Variants in RC3H2 observed in about 807,000 individuals in gnomAD.
RC3H2 encodes the protein roquin-2.
A neutral mutation model predicts 133.3 loss-of-function variants in RC3H2; 31 were observed. That is an observed-to-expected ratio of 0.23 (90% CI 0.17 to 0.31). The LOEUF (loss-of-function observed/expected upper bound fraction) is 0.31. Among genes scored for constraint, RC3H2 ranks in the 10% least tolerant of loss-of-function variants. The pLI, the probability that RC3H2 is intolerant of heterozygous loss-of-function variation, is 1.00. For missense variants in RC3H2, 1,175 were observed against 1,437.2 expected, an observed-to-expected ratio of 0.82 and a Z score of 2.95; for synonymous variants, 517 against 502.2, an observed-to-expected ratio of 1.03 and a Z score of -0.40.
intron 1 of RC3H2, among the ~76,000 whole-genome samples, chr9:122,898,565 C>A (rs1339057840): frequency 6.6e-6 from 1 of 152,012 alleles, no homozygotes; most frequent in Non-Finnish European, 1.5e-5. Flanking sequence ...GCCTGACCAA[C>A]ATGGATAAAC....
At chr9:122,895,973 T>C (rs567863802) in intron 2 of RC3H2, among the ~76,000 whole-genome samples, 4 of 152,110 alleles carry the variant, frequency 2.6e-5, no homozygotes, top group Non-Finnish European at 5.9e-5. Flanking sequence ...ATGAATTCTA[T>C]AGCACATGTT....
chr9:122,880,350 T>C, intron 6 of RC3H2: 1 of 758,034 alleles, frequency 1.3e-6, no homozygotes. Flanking sequence ...GAGGTCAGAA[T>C]ATAGATAAAT....
intron 13 of RC3H2, among the ~76,000 whole-genome samples, chr9:122,856,210 A>G (rs1415887067): frequency 6.6e-6 from 1 of 152,140 alleles, no homozygotes; most frequent in Non-Finnish European, 1.5e-5. Context: ...AAATACATAG[A>G]TACACACAGA....
In RC3H2 at chr9:122,879,762, G is replaced by T; in HGVS notation, c.1205C>A (p.Thr402Asn). 1 of 1,599,296 alleles carries T rather than the reference G, an allele frequency of 6.3e-7. No individual in the cohort carries two copies. Among genetic ancestry groups the T allele is most frequent in the Non-Finnish European group, 8.6e-7 (1 of 1,168,482 alleles). Reference sequence around the variant, plus strand: ...TGTAATAAATGTACTTACCTGAGGGGTCTCATGGCCTTTTCTACTATAATT... The same window carrying T: ...TGTAATAAATGTACTTACCTGAGGGTTCTCATGGCCTTTTCTACTATAATT... Reference protein sequence around the residue: ...IQNYSRKGHETPQPQPNSKYK... With the variant: ...IQNYSRKGHENPQPQPNSKYK... The change falls in exon 8 of 21, where the codon ACC becomes AAC. Residue 402 changes from threonine (T) to asparagine (N), a missense_variant. This residue lies in a region of RC3H2 where 131 missense variants were observed against 154.2 expected (regional missense o/e 0.85). Coordinates refer to ENST00000357244, the MANE Select transcript of RC3H2 (RefSeq NM_001100588.3).
At chr9:122,867,712 C>T (rs1402651208) in intron 9 of RC3H2, among the ~76,000 whole-genome samples, 1 of 108,482 alleles carries the variant, frequency 9.2e-6, no homozygotes, top group Admixed American at 8.4e-5. Context: ...TCTGCCTGGC[C>T]GCGACCCCGT....
Position 122,847,856 on chromosome 9 carries a change from T to C in RC3H2, c.*1771A>G, listed in dbSNP as rs187326801. The C allele has an allele frequency of 6.6e-5, 10 of 152,290 alleles. No homozygotes were observed. Among genetic ancestry groups the C allele is most frequent in the Admixed American group, 6.5e-4 (10 of 15,292 alleles). 9.4% of individuals were successfully genotyped at this position (152,290 alleles called of 1,614,324 possible). On this transcript the variant is annotated 3_prime_UTR_variant, in exon 21 of 21. Transcript: ENST00000357244. ...TTCATACATTTGAGTATTAAATAAA[T>C]GTGTAAGATCTTCCATACTGACACC... is the stretch of plus-strand genomic sequence containing the variant.
Position 122,862,808 on chromosome 9 carries a change from T to C in RC3H2, c.1634+2541A>G, listed in dbSNP as rs199700970. Among the ~76,000 whole-genome samples, 7 of 151,442 alleles carry C rather than the reference T, an allele frequency of 4.6e-5. No homozygotes were observed. The East Asian group carries it at 9.7e-4, about 21-fold the overall frequency. The stretch of plus-strand genomic sequence containing the variant: ...TACTTAGGAGGCTGAGGCAGGAGAA[T>C]TGCTTGAACCTGGCAGGTGGAGGTT... On this transcript the variant is annotated intron_variant, in intron 10 of 20. Transcript: ENST00000357244.
In RC3H2 at chr9:122,847,656, G is replaced by A. The variant is rs1829898606; in HGVS notation, c.*1971C>T. The A allele has an allele frequency of 7.3e-6, 1 of 137,140 alleles. No homozygotes were observed. Among genetic ancestry groups the A allele is most frequent in the Non-Finnish European group, 1.6e-5 (1 of 62,566 alleles). 8.5% of individuals were successfully genotyped at this position (137,140 alleles called of 1,614,324 possible). A position where few individuals can be genotyped will look rare whatever the true frequency, so the allele number is the denominator to read the frequency against. On this transcript the variant is annotated 3_prime_UTR_variant, in exon 21 of 21. Transcript: ENST00000357244. ...TAGGCTAATTTATAATGTCAGAAAA[G>A]TTAATGTAACATGGTTTAAAACCCT... is the stretch of plus-strand genomic sequence containing the variant.
intron 18 of RC3H2, among the ~76,000 whole-genome samples, chr9:122,851,922 G>T (rs577046392): frequency 4.6e-5 from 7 of 151,572 alleles, no homozygotes; most frequent in African/African-American, 7.3e-5. Context: ...CCGCCACCCC[G>T]TCTGGGAAGT....
intron 3 of RC3H2, among the ~76,000 whole-genome samples, chr9:122,891,647 C>G (rs1428936014): frequency 1.3e-5 from 2 of 152,192 alleles, no homozygotes; most frequent in African/African-American, 2.4e-5. Flanking sequence ...TATCCCAGCA[C>G]TAGAAGAATG....
chr9:122,897,457 T>A lies in RC3H2; in HGVS notation c.53A>T (p.Tyr18Phe). The A allele has an allele frequency of 3.1e-6, 5 of 1,614,196 alleles. No individual in the cohort carries two copies. The highest frequency in any genetic ancestry group is 4.2e-6 in the Non-Finnish European group (5 of 1,180,028). ...GTGCACATTCTCATCAAATTCATTATAGCAGATTGGACAGGACAGAAATTC... is the reference window on the plus strand; with the variant it reads ...GTGCACATTCTCATCAAATTCATTAAAGCAGATTGGACAGGACAGAAATTC... ...WTEFLSCPIC[Y>F]NEFDENVHKP... The change falls in exon 2 of 21, where the codon TAT becomes TTT. Residue 18 changes from tyrosine (Y) to phenylalanine (F), a missense_variant. Tyr to Phe is a conservative substitution (Grantham distance 22, BLOSUM62 3). This residue lies in a region of RC3H2 where 41 missense variants were observed against 88.0 expected (regional missense o/e 0.47). Transcript: ENST00000357244.
chr9:122,861,162 G>A (rs557359278), intron 10 of RC3H2, among the ~76,000 whole-genome samples: 16 of 152,176 alleles, frequency 1.1e-4, no homozygotes, highest in African/African-American at 3.9e-4. Context: ...TAATCAGCTG[G>A]AAAGGATCTT....
intron 4 of RC3H2, chr9:122,890,073 C>G (rs1034765567): frequency 6.7e-6 from 4 of 594,554 alleles, no homozygotes; most frequent in Non-Finnish European, 1.2e-5. Flanking sequence ...GCATGGATGT[C>G]GAGGCTGCAG....
In RC3H2 at chr9:122,858,573, C is replaced by A. The variant is rs143886635; in HGVS notation, c.2283+96G>T. ...GGTCAAGTAACTTCCTTAAGTCACA[C>A]AATTAGTAAGTGGAGGAGCCAGGAT... On this transcript the variant is annotated intron_variant, in intron 12 of 20. Coordinates refer to ENST00000357244, the MANE Select transcript of RC3H2 (RefSeq NM_001100588.3). The A allele has an allele frequency of 2.8e-3, 2,794 of 1,007,040 alleles. 52 individuals are homozygous for A. The African/African-American group carries it at 0.04, about 14-fold the overall frequency. The allele number at this position is 1,007,040 out of a possible 1,614,324, so 62.4% of individuals were successfully genotyped here. A position where few individuals can be genotyped will look rare whatever the true frequency, so the allele number is the denominator to read the frequency against.
At chr9:122,905,015 C>T in intron 1 of RC3H2, 95 bp downstream of exon 1, 1 of 873,590 alleles carries the variant, frequency 1.1e-6, no homozygotes, top group Non-Finnish European at 1.4e-6. Flanking sequence ...CGACAGCGCA[C>T]AGGCCCCAGG....
At chr9:122,867,421 C>G (rs911615686) in intron 9 of RC3H2, among the ~76,000 whole-genome samples, 9 of 146,800 alleles carry the variant, frequency 6.1e-5, no homozygotes, top group Admixed American at 6.0e-4. Flanking sequence ...GGGGTCAGCA[C>G]CCCGCCCGGC....
intron 9 of RC3H2, 108 bp downstream of exon 9, chr9:122,877,363 G>C (rs1255531527): frequency 1.2e-6 from 1 of 823,734 alleles, no homozygotes; most frequent in African/African-American, 1.7e-5. Flanking sequence ...ATGGTGCCCA[G>C]CCCTTAACTT....
intron 6 of RC3H2, 146 bp downstream of exon 6, chr9:122,880,448 A>C: frequency 1.4e-6 from 1 of 739,744 alleles, no homozygotes. Context: ...GTAGAAAAAT[A>C]AAAAGAAAAT....
chr9:122,868,705 C>G (rs1353590691), intron 9 of RC3H2, among the ~76,000 whole-genome samples: 1 of 151,346 alleles, frequency 6.6e-6, no homozygotes, highest in African/African-American at 2.4e-5. Context: ...CCTGCCAAAT[C>G]CCCCTCTGTG....
Sources: gnomAD v4.1 joint callset for allele counts (sites outside exome capture counted in the v4.1 genomes callset) on GRCh38, gnomAD v4.1.1 for gene constraint, gnomAD v4.1.1 regional missense constraint, MANE v1.5 for transcripts, NCBI Gene and HGNC (gene_info 2026-07-23, HGNC 2026-07-21) for gene names.